Variants in KCNQ1OT1 observed in about 807,000 individuals in gnomAD.
The protein encoded by KCNQ1OT1 is KCNQ1 antisense RNA 2 (non-protein coding).
At chr11:2,684,213 C>CAGCT (rs1157100609) in exon 1 of KCNQ1OT1, 3 of 398,502 alleles carry the variant, frequency 7.5e-6, no homozygotes, top group African/African-American at 6.2e-5. Context: ...AGGAGACAGG[C>CAGCT]AGCTGTCTGT....
chr11:2,608,548 T>C lies in KCNQ1OT1; in HGVS notation n.91447A>G, dbSNP rs974706542. The C allele has an allele frequency of 2.5e-6, 1 of 398,498 alleles. No homozygotes were observed. Among genetic ancestry groups the C allele is most frequent in the Non-Finnish European group, 4.4e-6 (1 of 226,072 alleles). The allele number at this position is 398,498 out of a possible 1,614,324, so 24.7% of individuals were successfully genotyped here. A position where few individuals can be genotyped will look rare whatever the true frequency, so the allele number is the denominator to read the frequency against. On this transcript the variant is annotated non_coding_transcript_exon_variant, in exon 1 of 1. Transcript: ENST00000597346. The surrounding 1 kb of genome is among the most constrained non-coding windows in gnomAD (Gnocchi z 4.6). Reference sequence around the variant, plus strand: ...TGGAATAGAGTGGTGTAATCATAGCTCACTGTAACCTCGATCTCCTAGTCT... The same window carrying C: ...TGGAATAGAGTGGTGTAATCATAGCCCACTGTAACCTCGATCTCCTAGTCT...
In KCNQ1OT1 at chr11:2,626,066, T is replaced by G. The variant is rs1849257312; in HGVS notation, n.73929A>C. Reference sequence around the variant, plus strand: ...AAAATTTATCTAGTTTTACTTTTATTGCCTGTGCAAGTACAATTTATCTAT... The same window carrying G: ...AAAATTTATCTAGTTTTACTTTTATGGCCTGTGCAAGTACAATTTATCTAT... On this transcript the variant is annotated non_coding_transcript_exon_variant, in exon 1 of 1. Coordinates refer to ENST00000597346, the Ensembl canonical transcript of KCNQ1OT1. This position sits in a 1 kb window ranked among gnomAD's most constrained non-coding sequence, Gnocchi z 4.0. 1 of 398,548 alleles carries G rather than the reference T, an allele frequency of 2.5e-6. No individual in the cohort carries two copies. Among genetic ancestry groups the G allele is most frequent in the African/African-American group, 2.1e-5 (1 of 48,646 alleles). 24.7% of individuals were successfully genotyped at this position (398,548 alleles called of 1,614,324 possible). A position where few individuals can be genotyped will look rare whatever the true frequency, so the allele number is the denominator to read the frequency against.
At chr11:2,614,402 CACTT>C (rs1849027476) in exon 1 of KCNQ1OT1, 5 of 398,502 alleles carry the variant, frequency 1.3e-5, no homozygotes, top group East Asian at 3.6e-5. Context: ...AATTCAGTGT[CACTT>C]AGTACATTTA....
At chr11:2,684,083 G>A (rs1850444827) in exon 1 of KCNQ1OT1, 2 of 398,188 alleles carry the variant, frequency 5.0e-6, no homozygotes. Context: ...TCATTAACTG[G>A]TACAGCAATT....
At chr11:2,655,619 C>T in exon 1 of KCNQ1OT1, 1 of 398,668 alleles carries the variant, frequency 2.5e-6, no homozygotes, top group East Asian at 3.6e-5. Context: ...CAGCACTTGC[C>T]CTCAAGCCCT....
chr11:2,662,700 C>T (rs1849987033), exon 1 of KCNQ1OT1: 2 of 402,434 alleles, frequency 5.0e-6, no homozygotes, highest in Non-Finnish European at 8.8e-6. Context: ...GACAGCCGTG[C>T]AGCGGGGTCA....
At chr11:2,697,899 A>G in exon 1 of KCNQ1OT1, 1 of 398,672 alleles carries the variant, frequency 2.5e-6, no homozygotes, top group Non-Finnish European at 4.4e-6. Flanking sequence ...TGGAGCATAA[A>G]TCCTGAAACA....
At chr11:2,684,003 G>C (rs575223125) in exon 1 of KCNQ1OT1, 1 of 395,490 alleles carries the variant, frequency 2.5e-6, no homozygotes, top group African/African-American at 2.1e-5. Flanking sequence ...TGGCAACTCC[G>C]TCTCTCCTTA....
Position 2,645,032 on chromosome 11 carries a change from A to G in KCNQ1OT1, n.54963T>C, listed in dbSNP as rs1018697170. 6.5e-5 allele frequency: 26 copies of G among 398,676 alleles called. No homozygotes were observed. Among genetic ancestry groups the G allele is most frequent in the African/African-American group, 5.3e-4 (26 of 48,638 alleles). 24.7% of individuals were successfully genotyped at this position (398,676 alleles called of 1,614,324 possible). A position where few individuals can be genotyped will look rare whatever the true frequency, so the allele number is the denominator to read the frequency against. On this transcript the variant is annotated non_coding_transcript_exon_variant, in exon 1 of 1. Coordinates refer to ENST00000597346, the Ensembl canonical transcript of KCNQ1OT1. This position sits in a 1 kb window ranked among gnomAD's most constrained non-coding sequence, Gnocchi z 5.8. Reference sequence around the variant, plus strand: ...CCAGGGAAACCAATTTTGGGCCTCCAGGCAACTTGCTCAGGTGCCAATGAT... The same window carrying G: ...CCAGGGAAACCAATTTTGGGCCTCCGGGCAACTTGCTCAGGTGCCAATGAT...
At position 2,652,357 on chromosome 11, in the gene KCNQ1OT1, T is replaced by C; in HGVS notation, n.47638A>G. 1 of 398,694 alleles carries C rather than the reference T, an allele frequency of 2.5e-6. No individual in the cohort carries two copies. The highest frequency in any genetic ancestry group is 4.4e-6 in the Non-Finnish European group (1 of 226,078). 24.7% of individuals were successfully genotyped at this position (398,694 alleles called of 1,614,324 possible). ...CTGGCACATTTCCGCGATGTTGTGA[T>C]GAAGGTGAAAAGATCGCTCTTAATT... is the stretch of plus-strand genomic sequence containing the variant. On this transcript the variant is annotated non_coding_transcript_exon_variant, in exon 1 of 1. Transcript: ENST00000597346. The surrounding 1 kb of genome is among the most constrained non-coding windows in gnomAD (Gnocchi z 5.9).
chr11:2,699,117 G>A (rs1255369376), exon 1 of KCNQ1OT1: 2 of 398,532 alleles, frequency 5.0e-6, no homozygotes, highest in East Asian at 3.6e-5. Context: ...TCAGAACCAC[G>A]ATGCGGATTC....
chr11:2,655,116 G>A (rs533116714), exon 1 of KCNQ1OT1: 155 of 398,446 alleles, frequency 3.9e-4, no homozygotes, highest in African/African-American at 2.9e-3. Context: ...TCCCCCTATC[G>A]AGCAGGACCA....
At chr11:2,688,188 G>A in exon 1 of KCNQ1OT1, 1 of 398,828 alleles carries the variant, frequency 2.5e-6, no homozygotes, top group Non-Finnish European at 4.4e-6. Context: ...CCAAGCAAGG[G>A]GGCAGGAGGG....
At position 2,691,251 on chromosome 11, in the gene KCNQ1OT1, C is replaced by T. The variant is rs551970978; in HGVS notation, n.8744G>A. 68 of 398,574 alleles carry T rather than the reference C, an allele frequency of 1.7e-4. No individual in the cohort carries two copies. The highest frequency in any genetic ancestry group is 1.3e-3 in the East Asian group (37 of 28,060). 24.7% of individuals were successfully genotyped at this position (398,574 alleles called of 1,614,324 possible). A position where few individuals can be genotyped will look rare whatever the true frequency, so the allele number is the denominator to read the frequency against. ...GATCTGCAGTTAACCCCTTGAGTCT[C>T]GGAAGGCTGTTTGAGCCACTAATCA... On this transcript the variant is annotated non_coding_transcript_exon_variant, in exon 1 of 1. Coordinates refer to ENST00000597346, the Ensembl canonical transcript of KCNQ1OT1. The surrounding 1 kb of genome is among the most constrained non-coding windows in gnomAD (Gnocchi z 6.4).
In KCNQ1OT1 at chr11:2,687,856, C is replaced by A. The variant is rs912006229; in HGVS notation, n.12139G>T. The A allele has an allele frequency of 1.3e-5, 5 of 398,628 alleles. No individual in the cohort carries two copies. The highest frequency in any genetic ancestry group is 2.2e-5 in the Non-Finnish European group (5 of 226,162). 24.7% of individuals were successfully genotyped at this position (398,628 alleles called of 1,614,324 possible). ...AGGCCAAACTCTGGTTCCTGAGGAG[C>A]CTCAAAGGCTGGACTTGGGGTGTCC... On this transcript the variant is annotated non_coding_transcript_exon_variant, in exon 1 of 1. Transcript: ENST00000597346. The surrounding 1 kb of genome is among the most constrained non-coding windows in gnomAD (Gnocchi z 5.0).
chr11:2,620,065 T>C lies in KCNQ1OT1; in HGVS notation n.79930A>G, dbSNP rs568052956. 5.0e-6 allele frequency: 2 copies of C among 398,364 alleles called. No individual in the cohort carries two copies. The highest frequency in any genetic ancestry group is 1.3e-4 in the South Asian group (1 of 7,840). The allele number at this position is 398,364 out of a possible 1,614,324, so 24.7% of individuals were successfully genotyped here. ...TGTCTACTGATCATCTTTATGTCCATGTTTACTCAGTGTTTAGGTCCCACT... is the reference window on the plus strand; with the variant it reads ...TGTCTACTGATCATCTTTATGTCCACGTTTACTCAGTGTTTAGGTCCCACT... On this transcript the variant is annotated non_coding_transcript_exon_variant, in exon 1 of 1. Transcript: ENST00000597346. This position sits in a 1 kb window ranked among gnomAD's most constrained non-coding sequence, Gnocchi z 4.5.
rs1850326152 is a variant in KCNQ1OT1 at position 2,678,166 on chromosome 11, A to T, written n.21829T>A. 1 of 398,068 alleles carries T rather than the reference A, an allele frequency of 2.5e-6. No homozygotes were observed. 24.7% of individuals were successfully genotyped at this position (398,068 alleles called of 1,614,324 possible). On this transcript the variant is annotated non_coding_transcript_exon_variant, in exon 1 of 1. Transcript: ENST00000597346. This position sits in a 1 kb window ranked among gnomAD's most constrained non-coding sequence, Gnocchi z 4.9. ...CTTAGGTGTTTTGGCTTTTTCTATA[A>T]TATTTTTCTGGTGGCAGAATTTTTT...
chr11:2,687,853 G>T lies in KCNQ1OT1; in HGVS notation n.12142C>A, dbSNP rs1381156964. ...TCCAGGCCAAACTCTGGTTCCTGAG[G>T]AGCCTCAAAGGCTGGACTTGGGGTG... On this transcript the variant is annotated non_coding_transcript_exon_variant, in exon 1 of 1. Coordinates refer to ENST00000597346, the Ensembl canonical transcript of KCNQ1OT1. This position sits in a 1 kb window ranked among gnomAD's most constrained non-coding sequence, Gnocchi z 5.0. 1 of 398,620 alleles carries T rather than the reference G, an allele frequency of 2.5e-6. No homozygotes were observed. The highest frequency in any genetic ancestry group is 4.4e-6 in the Non-Finnish European group (1 of 226,156). The allele number at this position is 398,620 out of a possible 1,614,324, so 24.7% of individuals were successfully genotyped here. A position where few individuals can be genotyped will look rare whatever the true frequency, so the allele number is the denominator to read the frequency against.
chr11:2,686,525 A>G, exon 1 of KCNQ1OT1: 1 of 398,694 alleles, frequency 2.5e-6, no homozygotes, highest in East Asian at 3.6e-5. Flanking sequence ...CGTCACGGAA[A>G]TGACAGCTCC....
Sources: gnomAD v4.1 joint callset for allele counts on GRCh38, gnomAD v4.1.1 for gene constraint, Gnocchi (gnomAD v3.1) non-coding constraint, MANE v1.5 for transcripts, NCBI Gene and HGNC (gene_info 2026-07-23, HGNC 2026-07-21) for gene names.